PTCH1: variants seen among roughly 807,000 people sequenced by gnomAD.
PTCH1 encodes the protein protein patched homolog 1.
A neutral mutation model predicts 144.6 loss-of-function variants in PTCH1; 14 were observed. The observed-to-expected ratio is 0.10, with a 90% confidence interval of 0.06 to 0.15. The LOEUF (loss-of-function observed/expected upper bound fraction) is 0.15. Among genes scored for constraint, PTCH1 ranks in the 10% least tolerant of loss-of-function variants. The pLI is 1.00. For synonymous variants in PTCH1, 833 were observed against 793.6 expected, an observed-to-expected ratio of 1.05 and a Z score of -0.83; for missense variants, 1,623 against 1,948.3, an observed-to-expected ratio of 0.83 and a Z score of 3.14.
At chr9:95,484,440 G>A (rs960193526) in intron 3 of PTCH1, 1 of 152,152 alleles carries the variant, frequency 6.6e-6, no homozygotes, top group Non-Finnish European at 1.5e-5. Flanking sequence ...CATGTGACTC[G>A]ACCCTGGCTG....
intron 23 of PTCH1, 28 bp downstream of exon 23, chr9:95,446,883 C>G: frequency 6.2e-7 from 1 of 1,613,196 alleles, no homozygotes; most frequent in Non-Finnish European, 8.5e-7. Context: ...CTCTAGGTCC[C>G]TTGGCTGCCC....
At chr9:95,490,388 T>G (rs1842297982) in intron 2 of PTCH1, among the ~76,000 whole-genome samples, 1 of 151,698 alleles carries the variant, frequency 6.6e-6, no homozygotes. Flanking sequence ...GGCTGAAGTG[T>G]GAGGATCGCT....
chr9:95,459,994 A>C, intron 16 of PTCH1: 2 of 624,194 alleles, frequency 3.2e-6, no homozygotes, highest in South Asian at 3.7e-5. Flanking sequence ...GTTTATAACA[A>C]ACACAGTTCT....
chr9:95,487,287 G>A (rs73654564), intron 2 of PTCH1, among the ~76,000 whole-genome samples: 4 of 152,302 alleles, frequency 2.6e-5, no homozygotes, highest in African/African-American at 9.6e-5. Flanking sequence ...AAGGAGGGAG[G>A]AATATATCAG....
chr9:95,491,915 TA>T (rs1483048592), intron 2 of PTCH1, among the ~76,000 whole-genome samples: 2 of 152,122 alleles, frequency 1.3e-5, no homozygotes, highest in African/African-American at 2.4e-5. Flanking sequence ...GCAGACCTGG[TA>T]AAAATGTGTG....
intron 2 of PTCH1, among the ~76,000 whole-genome samples, chr9:95,488,975 G>A (rs1368934166): frequency 6.6e-6 from 1 of 152,170 alleles, no homozygotes; most frequent in Non-Finnish European, 1.5e-5. Flanking sequence ...GGCGGAGCTT[G>A]GTGAGACCAT....
upstream of PTCH1, among the ~76,000 whole-genome samples, chr9:95,511,885 A>G (rs553557487): frequency 7.2e-5 from 11 of 152,150 alleles, no homozygotes; most frequent in Non-Finnish European, 1.5e-4. Context: ...GCCTTTTTAT[A>G]TTTCAAGCTT....
chr9:95,460,018 G>A, intron 16 of PTCH1: 1 of 564,388 alleles, frequency 1.8e-6, no homozygotes, highest in South Asian at 2.0e-5. Flanking sequence ...GATGGCCCAG[G>A]AATTGGCTGA....
intron 20 of PTCH1, 187 bp downstream of exon 20, chr9:95,453,291 C>A: frequency 1.3e-6 from 1 of 770,530 alleles, no homozygotes; most frequent in Non-Finnish European, 2.1e-6. Flanking sequence ...ACCACCACGC[C>A]CGGCTAATTT....
At chr9:95,471,275 A>G (rs981625749) in intron 12 of PTCH1, among the ~76,000 whole-genome samples, 1 of 152,200 alleles carries the variant, frequency 6.6e-6, no homozygotes, top group Admixed American at 6.5e-5. Flanking sequence ...TTTATGCTGA[A>G]GGTGAACCAG....
At position 95,447,457 on chromosome 9, in the gene PTCH1, G is replaced by A; in HGVS notation, c.3805-6C>T. ...CTGGATTCGGGATGGACCACCTGCAGAGGGTGAGGGTGGGTTAGAAGGGTG... is the reference window on the plus strand; with the variant it reads ...CTGGATTCGGGATGGACCACCTGCAAAGGGTGAGGGTGGGTTAGAAGGGTG... On this transcript the variant is annotated splice_polypyrimidine_tract_variant and splice_region_variant and intron_variant, in intron 22 of 23. Coordinates refer to ENST00000331920, the MANE Select transcript of PTCH1 (RefSeq NM_000264.5). 1 of 1,561,132 alleles carries A rather than the reference G, an allele frequency of 6.4e-7. No homozygotes were observed.
At position 95,444,645 on chromosome 9, in the gene PTCH1, T is replaced by G. The variant is rs1393885546; in HGVS notation, c.*1748A>C. The stretch of plus-strand genomic sequence containing the variant: ...GGCCCATTACCTTTCTGTTAAGATT[T>G]CCCAGGTAATTTAAAAGGGAGTAAC... On this transcript the variant is annotated 3_prime_UTR_variant, in exon 24 of 24. Coordinates refer to ENST00000331920, the MANE Select transcript of PTCH1 (RefSeq NM_000264.5). The G allele has an allele frequency of 6.6e-6, 1 of 152,272 alleles. No individual in the cohort carries two copies. The highest frequency in any genetic ancestry group is 1.5e-5 in the Non-Finnish European group (1 of 68,120). 9.4% of individuals were successfully genotyped at this position (152,272 alleles called of 1,614,324 possible).
intron 2 of PTCH1, among the ~76,000 whole-genome samples, chr9:95,489,381 C>T (rs529490312): frequency 6.6e-6 from 1 of 152,282 alleles, no homozygotes; most frequent in East Asian, 1.9e-4. Context: ...CAAGGTCTTG[C>T]TCTGTTGCCC....
rs569547909 is a variant in PTCH1 at position 95,509,168 on chromosome 9, G to A, written c.-807C>T. ...GCTCTGTGTGTGTGCAGCGGGCAGC[G>A]GCCGCAGCAGCTCCTTGATTCAATA... is the stretch of plus-strand genomic sequence containing the variant. On this transcript the variant is annotated 5_prime_UTR_variant, in exon 1 of 24. Transcript: ENST00000331920. Among the ~76,000 whole-genome samples, 1 of 152,088 alleles carries A rather than the reference G, an allele frequency of 6.6e-6. No individual in the cohort carries two copies. The highest frequency in any genetic ancestry group is 6.5e-5 in the Admixed American group (1 of 15,288).
intron 1 of PTCH1, chr9:95,507,217 G>A (rs1843749411): frequency 1.0e-6 from 1 of 985,580 alleles, no homozygotes; most frequent in Non-Finnish European, 1.2e-6. Flanking sequence ...GGGGCAGCCA[G>A]CTGCAACTTA....
At chr9:95,500,087 A>G (rs1587674120) in intron 2 of PTCH1, among the ~76,000 whole-genome samples, 1 of 152,236 alleles carries the variant, frequency 6.6e-6, no homozygotes, top group Non-Finnish European at 1.5e-5. Flanking sequence ...TGGCTTGTCC[A>G]GCCAGCATTA....
At chr9:95,462,729 C>G (rs1202560804) in intron 15 of PTCH1, among the ~76,000 whole-genome samples, 1 of 152,168 alleles carries the variant, frequency 6.6e-6, no homozygotes, top group Admixed American at 6.5e-5. Flanking sequence ...CAGGCCAATA[C>G]AAGGAGGCTC....
intron 19 of PTCH1, among the ~76,000 whole-genome samples, chr9:95,454,091 C>T (rs1009267330): frequency 6.6e-6 from 1 of 152,180 alleles, no homozygotes; most frequent in East Asian, 1.9e-4. Context: ...CTGTTTCAGG[C>T]TATGTTTGTA....
intron 22 of PTCH1, 77 bp from the exon 23 acceptor site, chr9:95,447,528 C>T: frequency 7.0e-7 from 1 of 1,429,970 alleles, no homozygotes; most frequent in Non-Finnish European, 9.3e-7. Context: ...CACTTCCCTC[C>T]TTGGGTTTCA....
Sources: allele counts gnomAD v4.1 joint callset (sites outside exome capture counted in the v4.1 genomes callset), GRCh38; gene constraint gnomAD v4.1.1; transcripts MANE v1.5; gene names NCBI Gene and HGNC (gene_info 2026-07-23, HGNC 2026-07-21).